The following ERI1 variants were observed in gnomAD, a reference collection of about 807,000 sequenced individuals.
ERI1 encodes the protein 3'-5' exoribonuclease 1.
ERI1 carries 39 observed loss-of-function variants against 39.7 expected under a neutral mutation model. The ratio of observed to expected loss-of-function variants is 0.98; its 90% CI spans 0.76 to 1.28. The LOEUF is 1.28. ERI1 is among the 50% of genes most tolerant of loss of function. ERI1 has a pLI of 0.00. For missense variants in ERI1, 581 were observed against 416.9 expected, an observed-to-expected ratio of 1.39 and a Z score of -3.43; for synonymous variants, 204 against 149.6, an observed-to-expected ratio of 1.36 and a Z score of -2.65.
At chr8:9,023,278 G>A (rs1208388391) in intron 6 of ERI1, among the ~76,000 whole-genome samples, 1 of 151,898 alleles carries the variant, frequency 6.6e-6, no homozygotes, top group Non-Finnish European at 1.5e-5. Context: ...ATCATATCCT[G>A]GAATGTGGTT....
chr8:9,085,138 A>T (rs1799485776), intron 3 of ERI1, among the ~76,000 whole-genome samples: 1 of 152,154 alleles, frequency 6.6e-6, no homozygotes, highest in South Asian at 2.1e-4. Context: ...TACATCAGCA[A>T]ATTCCAGCCT....
intron 6 of ERI1, among the ~76,000 whole-genome samples, chr8:9,020,984 T>C (rs868519651): frequency 6.6e-6 from 1 of 152,224 alleles, no homozygotes; most frequent in African/African-American, 2.4e-5. Context: ...ATACTACTTC[T>C]TGACTTTTCA....
chr8:9,020,126 G>A (rs1343763050), intron 5 of ERI1, among the ~76,000 whole-genome samples: 1 of 152,070 alleles, frequency 6.6e-6, no homozygotes, highest in East Asian at 1.9e-4. Flanking sequence ...AGCCTAATAG[G>A]AATTAGTTTG....
chr8:9,042,305 A>G (rs4841087), intron 3 of ERI1, among the ~76,000 whole-genome samples: 68,554 of 152,052 alleles, frequency 0.45, 16,500 homozygotes, highest in Non-Finnish European at 0.53. Flanking sequence ...GATTTCAACT[A>G]TCCCTTCTCT....
chr8:9,004,714 T>G (rs1469798471), intron 1 of ERI1, among the ~76,000 whole-genome samples: 5 of 149,852 alleles, frequency 3.3e-5, no homozygotes, highest in African/African-American at 1.2e-4. Flanking sequence ...GAGACGGAGT[T>G]TCGTTCTTGT....
chr8:9,012,797 T>C (rs1339432517), intron 3 of ERI1, among the ~76,000 whole-genome samples: 3 of 152,238 alleles, frequency 2.0e-5, no homozygotes, highest in African/African-American at 7.2e-5. Context: ...CCCACTTCAC[T>C]GCCAGCTACT....
At chr8:9,043,761 C>T (rs1456166228) in intron 3 of ERI1, among the ~76,000 whole-genome samples, 1 of 152,200 alleles carries the variant, frequency 6.6e-6, no homozygotes. Context: ...CTATCTTGCT[C>T]AGGCAGAACT....
intron 3 of ERI1, 103 bp from the exon 4 acceptor site, chr8:9,016,219 G>A (rs1817266406): frequency 1.8e-6 from 1 of 544,092 alleles, no homozygotes; most frequent in Non-Finnish European, 3.3e-6. Context: ...TATGCCGTGA[G>A]ATCCTATGAA....
At chr8:9,018,558 T>C in intron 5 of ERI1, 152 bp downstream of exon 5, 2 of 531,434 alleles carry the variant, frequency 3.8e-6, no homozygotes, top group Non-Finnish European at 6.7e-6. Flanking sequence ...CACCTAAGGA[T>C]GAAAGAGAGG....
At chr8:9,024,665 C>A (rs1264816770) in intron 6 of ERI1, among the ~76,000 whole-genome samples, 1 of 152,112 alleles carries the variant, frequency 6.6e-6, no homozygotes, top group Non-Finnish European at 1.5e-5. Flanking sequence ...CTCAAATGAT[C>A]TGCCCCCCCT....
intron 3 of ERI1, among the ~76,000 whole-genome samples, chr8:9,083,925 C>A (rs965048525): frequency 7.2e-5 from 11 of 152,086 alleles, no homozygotes; most frequent in African/African-American, 2.7e-4. Flanking sequence ...TCCTGAGTAG[C>A]TGGGACTATA....
At chr8:9,056,319 G>C (rs1798505666) in intron 3 of ERI1, among the ~76,000 whole-genome samples, 1 of 152,200 alleles carries the variant, frequency 6.6e-6, no homozygotes, top group Admixed American at 6.5e-5. Context: ...GATTTGACCT[G>C]CCTTTTCCCC....
chr8:9,069,586 G>C (rs560451015), intron 3 of ERI1, among the ~76,000 whole-genome samples: 14 of 152,232 alleles, frequency 9.2e-5, no homozygotes, highest in Non-Finnish European at 1.9e-4. Flanking sequence ...TGAGAGTATA[G>C]AAGACAATGC....
rs1289864370 is a variant in ERI1 at position 9,032,034 on chromosome 8, G to A, written c.*2000G>A. On this transcript the variant is annotated 3_prime_UTR_variant, in exon 7 of 7. Transcript: ENST00000250263. ...TGACCTCCTACAGACGTGAGCCACT[G>A]CGCTCAGCCATAGATTTTACTGTCT... 1.3e-5 allele frequency: 2 copies of A among 152,098 alleles called. No individual in the cohort carries two copies. The highest frequency in any genetic ancestry group is 4.8e-5 in the African/African-American group (2 of 41,396). The allele number at this position is 152,098 out of a possible 1,614,324, so 9.4% of individuals were successfully genotyped here.
intron 3 of ERI1, among the ~76,000 whole-genome samples, chr8:9,065,742 A>G (rs939301890): frequency 1.2e-4 from 17 of 147,738 alleles, no homozygotes; most frequent in Admixed American, 4.1e-4. Flanking sequence ...ACGTGCAAAA[A>G]TATAAAAGGA....
At chr8:9,005,470 G>A (rs895962719) in intron 1 of ERI1, among the ~76,000 whole-genome samples, 1 of 149,938 alleles carries the variant, frequency 6.7e-6, no homozygotes, top group South Asian at 2.1e-4. Flanking sequence ...TTTTGTAAAA[G>A]AAAATTTGTA....
At position 9,031,223 on chromosome 8, in the gene ERI1, C is replaced by T. The variant is rs1043720777; in HGVS notation, c.*1189C>T. The T allele has an allele frequency of 2.6e-5, 4 of 152,062 alleles. No homozygotes were observed. Among genetic ancestry groups the T allele is most frequent in the African/African-American group, 9.7e-5 (4 of 41,398 alleles). 9.4% of individuals were successfully genotyped at this position (152,062 alleles called of 1,614,324 possible). On this transcript the variant is annotated 3_prime_UTR_variant, in exon 7 of 7. Transcript: ENST00000250263. ...TATTCTAAAGATTTATATTTTATAA[C>T]CAGATGAATTTCCTCAAAGGTTTCC...
chr8:9,083,834 C>T (rs1335405608), intron 3 of ERI1, among the ~76,000 whole-genome samples: 4 of 151,856 alleles, frequency 2.6e-5, no homozygotes, highest in Admixed American at 2.6e-4. Flanking sequence ...CGCTCTGTAG[C>T]CCAGGCTGGA....
intron 3 of ERI1, among the ~76,000 whole-genome samples, chr8:9,054,512 A>G (rs1798448904): frequency 6.6e-6 from 1 of 152,234 alleles, no homozygotes; most frequent in South Asian, 2.1e-4. Context: ...AAAAAGCACA[A>G]CAAATTTATT....
Sources: gnomAD v4.1 joint callset for allele counts (sites outside exome capture counted in the v4.1 genomes callset) on GRCh38, gnomAD v4.1.1 for gene constraint, MANE v1.5 for transcripts, NCBI Gene and HGNC (gene_info 2026-07-23, HGNC 2026-07-21) for gene names.